ARHGAP22: variants seen among roughly 807,000 people sequenced by gnomAD.
The protein encoded by ARHGAP22 is Rho GTPase activating protein 22.
A neutral mutation model predicts 59.1 loss-of-function variants in ARHGAP22; 48 were observed. That is an observed-to-expected ratio of 0.81 (90% CI 0.64 to 1.03). ARHGAP22 has a LOEUF of 1.03. ARHGAP22 is among the 50% of genes least tolerant of loss of function. The pLI, the probability that ARHGAP22 is intolerant of heterozygous loss-of-function variation, is 0.00. For synonymous variants in ARHGAP22, 445 were observed against 416.4 expected, an observed-to-expected ratio of 1.07 and a Z score of -0.84; for missense variants, 1,015 against 958.7, an observed-to-expected ratio of 1.06 and a Z score of -0.78.
intron 1 of ARHGAP22, among the ~76,000 whole-genome samples, chr10:48,584,042 G>C (rs754275410): frequency 5.9e-5 from 9 of 152,128 alleles, no homozygotes; most frequent in Non-Finnish European, 1.0e-4. Flanking sequence ...CCCCAGGGAA[G>C]CTCCTCTCCT....
chr10:48,545,604 C>T lies in ARHGAP22; in HGVS notation c.322+9859G>A, dbSNP rs566674413. Among the ~76,000 whole-genome samples the T allele has an allele frequency of 2.0e-5, 3 of 152,348 alleles. No individual in the cohort carries two copies. In the South Asian group the frequency reaches 6.2e-4, roughly 32 times the overall value. ...GGCCGGTATCAGCATCCTCCCCACT[C>T]AGGCGGCGGCTAATGTGATCAGGGA... is the stretch of plus-strand genomic sequence containing the variant. On this transcript the variant is annotated intron_variant, in intron 3 of 9. Coordinates refer to ENST00000249601, the MANE Select transcript of ARHGAP22 (RefSeq NM_021226.4).
chr10:48,430,092 G>A, the ARHGAP22 span: 1 of 152,154 alleles, frequency 6.6e-6, no homozygotes, highest in Admixed American at 6.5e-5. Context: ...TTTTTTGTTT[G>A]TTTTTGTTTT....
At chr10:48,493,540 C>A in intron 3 of ARHGAP22, 3 of 1,526,576 alleles carry the variant, frequency 2.0e-6, no homozygotes, top group Non-Finnish European at 2.6e-6. Context: ...CCAGACACAC[C>A]TGTTGGGGTG....
At chr10:48,572,684 A>T (rs984057387) in intron 2 of ARHGAP22, among the ~76,000 whole-genome samples, 1 of 152,096 alleles carries the variant, frequency 6.6e-6, no homozygotes, top group Non-Finnish European at 1.5e-5. Flanking sequence ...CTGCCTTACC[A>T]TCCATTCCCT....
At chr10:48,460,559 G>A (rs1677763930) in intron 4 of ARHGAP22, among the ~76,000 whole-genome samples, 1 of 152,232 alleles carries the variant, frequency 6.6e-6, no homozygotes, top group South Asian at 2.1e-4. Context: ...TGTAGTTGCT[G>A]TGGAAAACAG....
At chr10:48,444,584 G>C (rs1402865688), downstream of ARHGAP22, 1 of 152,192 alleles carries the variant, frequency 6.6e-6, no homozygotes, top group Non-Finnish European at 1.5e-5. Context: ...TAATGGTTGA[G>C]ACAGACAGAC....
intron 6 of ARHGAP22, among the ~76,000 whole-genome samples, chr10:48,454,490 A>G (rs2046300050): frequency 6.6e-6 from 1 of 152,174 alleles, no homozygotes; most frequent in Non-Finnish European, 1.5e-5. Flanking sequence ...ACATGGCCGC[A>G]GGGAAGGCAA....
intron 1 of ARHGAP22, among the ~76,000 whole-genome samples, chr10:48,648,883 G>A (rs1382517976): frequency 6.6e-6 from 1 of 152,142 alleles, no homozygotes; most frequent in African/African-American, 2.4e-5. Context: ...CCATATGGAT[G>A]TGTTGAGCAA....
intron 1 of ARHGAP22, among the ~76,000 whole-genome samples, chr10:48,637,830 C>A (rs902354080): frequency 6.6e-6 from 1 of 152,152 alleles, no homozygotes; most frequent in Non-Finnish European, 1.5e-5. Context: ...ACATTCCCCT[C>A]CCAACAAGGA....
intron 3 of ARHGAP22, among the ~76,000 whole-genome samples, chr10:48,489,102 C>A (rs1451268209): frequency 6.6e-6 from 1 of 152,080 alleles, no homozygotes; most frequent in Non-Finnish European, 1.5e-5. Context: ...TTTTTTCTTT[C>A]TTTTCTTTTT....
intron 3 of ARHGAP22, among the ~76,000 whole-genome samples, chr10:48,548,566 G>T (rs1466648052): frequency 6.6e-6 from 1 of 152,166 alleles, no homozygotes; most frequent in South Asian, 2.1e-4. Context: ...GGACAGGCCT[G>T]CTCTGGGATC....
At chr10:48,542,642 TGAG>T (rs2056069496) in intron 3 of ARHGAP22, among the ~76,000 whole-genome samples, 1 of 152,048 alleles carries the variant, frequency 6.6e-6, no homozygotes, top group South Asian at 2.1e-4. Context: ...ACCACAGGCA[TGAG>T]GAGGGCTGGG....
At position 48,508,283 on chromosome 10, in the gene ARHGAP22, A is replaced by G. The variant is rs1269907715; in HGVS notation, c.323-28519T>C. ...ATAACAGCCTCACCACTGCTCAGGT[A>G]GCGGCCATGTGTGCCTCATGACCAG... is the stretch of plus-strand genomic sequence containing the variant. On this transcript the variant is annotated intron_variant, in intron 3 of 9. Coordinates refer to ENST00000249601, the MANE Select transcript of ARHGAP22 (RefSeq NM_021226.4). 2.0e-5 allele frequency among the ~76,000 whole-genome samples: 3 copies of G among 152,224 alleles called. No individual in the cohort carries two copies. In the East Asian group the frequency reaches 5.8e-4, roughly 29 times the overall value.
At chr10:48,536,017 G>A (rs547256295) in intron 3 of ARHGAP22, among the ~76,000 whole-genome samples, 1 of 152,368 alleles carries the variant, frequency 6.6e-6, no homozygotes, top group African/African-American at 2.4e-5. Flanking sequence ...GAAAGGCGCA[G>A]GATGGGGCCC....
At chr10:48,492,886 T>C (rs150815643) in intron 3 of ARHGAP22, among the ~76,000 whole-genome samples, 1 of 152,328 alleles carries the variant, frequency 6.6e-6, no homozygotes, top group East Asian at 1.9e-4. Context: ...AGCAATTACT[T>C]TTGCACCAAC....
intron 1 of ARHGAP22, among the ~76,000 whole-genome samples, chr10:48,639,523 A>G (rs1250644600): frequency 6.6e-6 from 1 of 152,210 alleles, no homozygotes; most frequent in East Asian, 1.9e-4. Context: ...TTACGGGCTC[A>G]TGGTTTGTAT....
At chr10:48,652,032 C>T (rs1045083354) in intron 1 of ARHGAP22, among the ~76,000 whole-genome samples, 1 of 152,134 alleles carries the variant, frequency 6.6e-6, no homozygotes, top group African/African-American at 2.4e-5. Context: ...CAGGCAGACA[C>T]AGAGCAGCTG....
chr10:48,435,290 G>A, the ARHGAP22 span: 1 of 338,870 alleles, frequency 3.0e-6, no homozygotes, highest in Non-Finnish European at 5.3e-6. Context: ...ATTTTATCAT[G>A]GTTTAAATTT....
At chr10:48,582,800 G>A (rs978343793) in intron 2 of ARHGAP22, 153 bp downstream of exon 2, 7 of 806,756 alleles carry the variant, frequency 8.7e-6, no homozygotes, top group Non-Finnish European at 1.4e-5. Context: ...GGAACATGGG[G>A]GATAAGAATG....
Sources: allele counts gnomAD v4.1 joint callset (sites outside exome capture counted in the v4.1 genomes callset), GRCh38; gene constraint gnomAD v4.1.1; transcripts MANE v1.5; gene names NCBI Gene and HGNC (gene_info 2026-07-23, HGNC 2026-07-21).